The following SIPA1L1 variants were observed in gnomAD, a reference collection of about 807,000 sequenced individuals.
SIPA1L1 encodes the protein signal-induced proliferation-associated 1-like protein 1.
In SIPA1L1, 26 loss-of-function variants were observed where a neutral mutation model predicts 162.7. The observed-to-expected ratio is 0.16, with a 90% CI of 0.12 to 0.22. SIPA1L1 has a LOEUF of 0.22. SIPA1L1 is among the 10% of genes least tolerant of loss of function. SIPA1L1 has a pLI of 1.00. For synonymous variants in SIPA1L1, 829 were observed against 837.4 expected (o/e 0.99, Z 0.17); for missense variants, 1,874 against 2,241.0 (o/e 0.84, Z 3.31).
At chr14:71,608,927 T>C (rs1010571268) in intron 5 of SIPA1L1, among the ~76,000 whole-genome samples, 21 of 151,606 alleles carry the variant, frequency 1.4e-4, no homozygotes, top group African/African-American at 4.8e-4. Flanking sequence ...ACAAAAAACT[T>C]CCAATTATAA....
chr14:71,640,112 C>G (rs2041560066), intron 7 of SIPA1L1, among the ~76,000 whole-genome samples: 1 of 152,118 alleles, frequency 6.6e-6, no homozygotes, highest in Non-Finnish European at 1.5e-5. Flanking sequence ...CCATGTTGGC[C>G]AAGCTGGTCT....
intron 2 of SIPA1L1, among the ~76,000 whole-genome samples, chr14:71,418,607 A>G (rs2140496682): frequency 6.6e-6 from 1 of 152,330 alleles, no homozygotes; most frequent in East Asian, 1.9e-4. Flanking sequence ...AGAAGCTTGC[A>G]TTTGCCAGTT....
At chr14:71,541,277 C>G (rs2054356269) in intron 4 of SIPA1L1, among the ~76,000 whole-genome samples, 1 of 152,090 alleles carries the variant, frequency 6.6e-6, no homozygotes, top group Non-Finnish European at 1.5e-5. Context: ...AGTACATTAA[C>G]CAAGAGGGCA....
chr14:71,684,588 C>T (rs28525988), intron 12 of SIPA1L1, among the ~76,000 whole-genome samples: 58 of 152,276 alleles, frequency 3.8e-4, no homozygotes, highest in South Asian at 1.7e-3. Context: ...TGTGCGGTGG[C>T]GGGAATGTGA....
At chr14:71,479,896 C>CT (rs1022317874) in intron 2 of SIPA1L1, among the ~76,000 whole-genome samples, 28 of 151,202 alleles carry the variant, frequency 1.9e-4, no homozygotes, top group Non-Finnish European at 2.2e-4. Flanking sequence ...TGGACTAATT[C>CT]TTTTTTTTTA....
chr14:71,354,998 C>G (rs769399109), intron 2 of SIPA1L1, among the ~76,000 whole-genome samples: 60 of 152,036 alleles, frequency 3.9e-4, no homozygotes, highest in Admixed American at 1.1e-3. Flanking sequence ...ATCACTGTGC[C>G]GAGACAATGC....
At chr14:71,698,650 A>G (rs138931469) in intron 13 of SIPA1L1, among the ~76,000 whole-genome samples, 73 of 152,350 alleles carry the variant, frequency 4.8e-4, no homozygotes, top group African/African-American at 1.6e-3. Flanking sequence ...CTTGGGTTCA[A>G]TTATCTTCTG....
intron 15 of SIPA1L1, among the ~76,000 whole-genome samples, chr14:71,702,706 T>A (rs751880814): frequency 2.0e-5 from 3 of 152,042 alleles, no homozygotes; most frequent in African/African-American, 4.8e-5. Context: ...GACCCCAAAT[T>A]CAAAACTGGA....
In SIPA1L1 at chr14:71,505,955, A is replaced by G. The variant is rs529249027; in HGVS notation, c.-464-6788A>G. On this transcript the variant is annotated intron_variant, in intron 2 of 23. Coordinates refer to ENST00000381232, the MANE Select transcript of SIPA1L1 (RefSeq NM_001386936.1). Reference sequence around the variant, plus strand: ...TAAGATATCTCATTATGGATATGCAAATATTCCCCCCCCCCAAAAAAAAAA... The same window carrying G: ...TAAGATATCTCATTATGGATATGCAGATATTCCCCCCCCCCAAAAAAAAAA... Among the ~76,000 whole-genome samples the G allele has an allele frequency of 2.1e-4, 31 of 147,074 alleles. 1 individual carries two copies. In the South Asian group the frequency reaches 4.0e-3, roughly 19 times the overall value.
chr14:71,517,411 G>A (rs1297716536), intron 3 of SIPA1L1, among the ~76,000 whole-genome samples: 3 of 152,094 alleles, frequency 2.0e-5, no homozygotes, highest in Non-Finnish European at 4.4e-5. Flanking sequence ...ATGGTTCACT[G>A]ATTTTCCTGC....
At chr14:71,650,594 A>G in intron 8 of SIPA1L1, 85 bp downstream of exon 8, 1 of 1,283,044 alleles carries the variant, frequency 7.8e-7, no homozygotes, top group Non-Finnish European at 1.1e-6. Flanking sequence ...GTAAAGCAAC[A>G]TTGCCATTTA....
At chr14:71,448,765 T>C (rs555053944) in intron 2 of SIPA1L1, 53 of 152,300 alleles carry the variant, frequency 3.5e-4, no homozygotes, top group African/African-American at 1.2e-3. Context: ...CCAGGAGTTA[T>C]AAGCTGTAGT....
intron 5 of SIPA1L1, among the ~76,000 whole-genome samples, chr14:71,615,999 A>AC (rs1468764926): frequency 1.3e-5 from 2 of 152,184 alleles, no homozygotes; most frequent in African/African-American, 4.8e-5. Flanking sequence ...CTGTCTCAAA[A>AC]CAAACACATA....
chr14:71,394,671 A>G (rs944321430), intron 2 of SIPA1L1, among the ~76,000 whole-genome samples: 5 of 152,234 alleles, frequency 3.3e-5, no homozygotes, highest in Non-Finnish European at 5.9e-5. Context: ...GTGATCTGGA[A>G]TCATGTTTGA....
chr14:71,554,946 T>TA lies in SIPA1L1; in HGVS notation c.-303+25586dup, dbSNP rs1394786084. On this transcript the variant is annotated intron_variant, in intron 4 of 23. Coordinates refer to ENST00000381232, the MANE Select transcript of SIPA1L1 (RefSeq NM_001386936.1). ...AGGCTCTCGATACATATTCCTAATT[T>TA]AAAAAAAAAACAACAATTTCACTCT... 4.5e-3 allele frequency among the ~76,000 whole-genome samples: 666 copies of TA among 149,024 alleles called. 5 individuals are homozygous for TA. The highest frequency in any genetic ancestry group is 0.014 in the African/African-American group (571 of 40,744).
At chr14:71,370,975 A>T (rs952448879) in intron 2 of SIPA1L1, among the ~76,000 whole-genome samples, 5 of 152,198 alleles carry the variant, frequency 3.3e-5, no homozygotes, top group Non-Finnish European at 5.9e-5. Context: ...CATTAATACT[A>T]TAATATAAAG....
intron 7 of SIPA1L1, among the ~76,000 whole-genome samples, chr14:71,637,063 A>T (rs1398693617): frequency 6.6e-6 from 1 of 150,878 alleles, no homozygotes; most frequent in Non-Finnish European, 1.5e-5. Flanking sequence ...AAAAAAAAAA[A>T]AAAACAGCTA....
At chr14:71,333,589 G>A (rs1423798164) in intron 2 of SIPA1L1, among the ~76,000 whole-genome samples, 1 of 152,150 alleles carries the variant, frequency 6.6e-6, no homozygotes, top group South Asian at 2.1e-4. Flanking sequence ...TTCTAGTCCT[G>A]GCTTTACTAC....
chr14:71,610,678 A>G (rs915871083), intron 5 of SIPA1L1, among the ~76,000 whole-genome samples: 2 of 152,178 alleles, frequency 1.3e-5, no homozygotes, highest in African/African-American at 4.8e-5. Flanking sequence ...GTTGGAATGT[A>G]TGTCCTTTTG....
Sources: allele counts gnomAD v4.1 joint callset (sites outside exome capture counted in the v4.1 genomes callset), GRCh38; gene constraint gnomAD v4.1.1; transcripts MANE v1.5; gene names NCBI Gene and HGNC (gene_info 2026-07-23, HGNC 2026-07-21).